NELL2: variants seen among roughly 807,000 people sequenced by gnomAD.
NELL2 encodes protein kinase C-binding protein NELL2.
NELL2 carries 41 observed loss-of-function variants against 109.6 expected under a neutral mutation model. The observed-to-expected ratio is 0.37, with a 90% CI of 0.29 to 0.49. NELL2 has a LOEUF of 0.49. NELL2 is among the 20% of genes least tolerant of loss of function. NELL2 has a pLI of 0.98. For synonymous variants in NELL2, 355 were observed against 344.7 expected (o/e 1.03, Z -0.33); for missense variants, 900 against 1,008.3 (o/e 0.89, Z 1.45).
At chr12:44,582,256 G>A (rs2136212393) in intron 15 of NELL2, among the ~76,000 whole-genome samples, 1 of 152,206 alleles carries the variant, frequency 6.6e-6, no homozygotes, top group East Asian at 1.9e-4. Context: ...TGAGATTTGT[G>A]CTCATGAATT....
At position 44,876,239 on chromosome 12, in the gene NELL2, A is replaced by G. The variant is rs1945318364; in HGVS notation, c.-370T>C. On this transcript the variant is annotated 5_prime_UTR_variant, in exon 1 of 20. Transcript: ENST00000429094. ...ACCCGGTAGAAGGGGGGCGGCCCCAAGAAAGCCCGGGCTGGGGCGGCCCCG... is the reference window on the plus strand; with the variant it reads ...ACCCGGTAGAAGGGGGGCGGCCCCAGGAAAGCCCGGGCTGGGGCGGCCCCG... 3 of 1,161,230 alleles carry G rather than the reference A, an allele frequency of 2.6e-6. No homozygotes were observed. In the South Asian group the frequency reaches 8.4e-5, roughly 33 times the overall value. 71.9% of individuals were successfully genotyped at this position (1,161,230 alleles called of 1,614,324 possible). A position where few individuals can be genotyped will look rare whatever the true frequency, so the allele number is the denominator to read the frequency against.
At position 44,678,458 on chromosome 12, in the gene NELL2, T is replaced by C. The variant is rs75861949; in HGVS notation, c.1319-12849A>G. 7.3e-3 allele frequency among the ~76,000 whole-genome samples: 1,115 copies of C among 152,118 alleles called. 9 individuals are homozygous for C. The highest frequency in any genetic ancestry group is 0.021 in the African/African-American group (878 of 41,518). ...GGCATTCACTTCTGGAGTCCAGTCT[T>C]GGATGGCATCAGTGAACGTTCACAA... On this transcript the variant is annotated intron_variant, in intron 12 of 19. Transcript: ENST00000429094.
rs1939113887 is a variant in NELL2, at chr12:44,726,956, A to T, written c.995-12215T>A. ...GCCTCAAACTCAGTTGATTTCTTTT[A>T]ATTTTTAACAGAGCCAATGTAAACT... On this transcript the variant is annotated intron_variant, in intron 9 of 19. Transcript: ENST00000429094. 3.3e-5 allele frequency among the ~76,000 whole-genome samples: 5 copies of T among 152,242 alleles called. No homozygotes were observed. In the South Asian group the frequency reaches 1.0e-3, roughly 32 times the overall value.
intron 15 of NELL2, among the ~76,000 whole-genome samples, chr12:44,538,186 T>C (rs1942377296): frequency 6.6e-6 from 1 of 152,150 alleles, no homozygotes; most frequent in Non-Finnish European, 1.5e-5. Flanking sequence ...TTTTCCCTTA[T>C]GGTAGGCTGC....
intron 15 of NELL2, among the ~76,000 whole-genome samples, chr12:44,590,437 T>G (rs561277663): frequency 6.6e-6 from 1 of 152,192 alleles, no homozygotes; most frequent in Non-Finnish European, 1.5e-5. Context: ...ATCTAGTCCA[T>G]ACAGGTTATA....
intron 13 of NELL2, among the ~76,000 whole-genome samples, chr12:44,657,940 G>A (rs1441660561): frequency 6.6e-6 from 1 of 152,092 alleles, no homozygotes; most frequent in Non-Finnish European, 1.5e-5. Context: ...CAATAAACAT[G>A]CGTGTGCATG....
At chr12:44,745,355 G>A (rs1347604371) in intron 9 of NELL2, among the ~76,000 whole-genome samples, 1 of 152,126 alleles carries the variant, frequency 6.6e-6, no homozygotes, top group African/African-American at 2.4e-5. Context: ...TACTGAATGG[G>A]CAAAAACTGG....
intron 13 of NELL2, among the ~76,000 whole-genome samples, chr12:44,654,897 C>T (rs1947442797): frequency 1.3e-5 from 2 of 152,136 alleles, no homozygotes; most frequent in Admixed American, 1.3e-4. Context: ...GGTGATAAGG[C>T]ACAAGGAAGG....
At chr12:44,655,944 T>G (rs141931732) in intron 13 of NELL2, among the ~76,000 whole-genome samples, 65 of 152,336 alleles carry the variant, frequency 4.3e-4, no homozygotes, top group African/African-American at 1.5e-3. Flanking sequence ...TCCTGATAGT[T>G]TGCAATGCTG....
At chr12:44,918,532 T>C (rs1475914224), upstream of NELL2, among the ~76,000 whole-genome samples, 2 of 148,574 alleles carry the variant, frequency 1.3e-5, no homozygotes, top group Admixed American at 6.6e-5. Flanking sequence ...TGTGTGTGTG[T>C]GTGTGTGTGT....
chr12:44,663,129 T>G (rs1224806544), intron 13 of NELL2, among the ~76,000 whole-genome samples: 2 of 152,154 alleles, frequency 1.3e-5, no homozygotes, highest in African/African-American at 2.4e-5. Flanking sequence ...AGTAATTTCT[T>G]TAAGACTTGT....
intron 15 of NELL2, among the ~76,000 whole-genome samples, chr12:44,557,505 A>G (rs540685280): frequency 6.6e-6 from 1 of 152,308 alleles, no homozygotes; most frequent in Admixed American, 6.5e-5. Flanking sequence ...AAGAGGATCA[A>G]TGCAGAGGTA....
rs758903947 is a variant in NELL2 at position 44,658,876 on chromosome 12, C to CAAA, written c.1444+6607_1444+6608insTTT. 1.0e-3 allele frequency among the ~76,000 whole-genome samples: 98 copies of CAAA among 97,534 alleles called. 1 individual carries two copies. The highest frequency in any genetic ancestry group is 3.0e-3 in the South Asian group (9 of 2,986). 64.0% of individuals were successfully genotyped at this position (97,534 alleles called of 152,430 possible). A position where few individuals can be genotyped will look rare whatever the true frequency, so the allele number is the denominator to read the frequency against. On this transcript the variant is annotated intron_variant, in intron 13 of 19. Coordinates refer to ENST00000429094, the MANE Select transcript of NELL2 (RefSeq NM_001145108.2). The stretch of plus-strand genomic sequence containing the variant: ...TGGGCGACAGAGCAAGACTCTGTCT[C>CAAA]CAAAAAAAAAAAAAAAAAAAAAAGA...
chr12:44,615,125 G>C (rs1410230984), intron 13 of NELL2, among the ~76,000 whole-genome samples: 1 of 152,054 alleles, frequency 6.6e-6, no homozygotes, highest in African/African-American at 2.4e-5. Flanking sequence ...CTAAAGTAGA[G>C]AAGTAACACT....
intron 9 of NELL2, among the ~76,000 whole-genome samples, chr12:44,754,637 G>T (rs1463790353): frequency 6.6e-6 from 1 of 152,080 alleles, no homozygotes; most frequent in Non-Finnish European, 1.5e-5. Flanking sequence ...ATGATTAGAG[G>T]TATATTGGAA....
At chr12:44,541,657 A>AATC (rs1291263477) in intron 15 of NELL2, among the ~76,000 whole-genome samples, 2 of 152,174 alleles carry the variant, frequency 1.3e-5, no homozygotes, top group Admixed American at 6.5e-5. Context: ...TAATAATAAT[A>AATC]ATAAGTCCAG....
chr12:44,759,874 C>T (rs761310933), intron 9 of NELL2, among the ~76,000 whole-genome samples: 3 of 152,142 alleles, frequency 2.0e-5, no homozygotes, highest in Non-Finnish European at 4.4e-5. Context: ...CAAATTACCA[C>T]TCTCTCACCC....
chr12:44,603,483 C>A (rs185241275), intron 15 of NELL2, among the ~76,000 whole-genome samples: 6 of 152,180 alleles, frequency 3.9e-5, no homozygotes, highest in Admixed American at 2.6e-4. Flanking sequence ...GTAATAAATA[C>A]AATATGGCAG....
At chr12:44,547,170 A>T (rs972988712) in intron 15 of NELL2, among the ~76,000 whole-genome samples, 2 of 152,182 alleles carry the variant, frequency 1.3e-5, no homozygotes, top group Non-Finnish European at 2.9e-5. Flanking sequence ...CAACACTATA[A>T]AAAGGCTTGG....
Sources: allele counts gnomAD v4.1 joint callset (sites outside exome capture counted in the v4.1 genomes callset), GRCh38; gene constraint gnomAD v4.1.1; transcripts MANE v1.5; gene names NCBI Gene and HGNC (gene_info 2026-07-23, HGNC 2026-07-21).